The following ADGRV1 variants were observed in gnomAD, a reference collection of about 807,000 sequenced individuals.
The protein encoded by ADGRV1 is G-protein coupled receptor 98.
ADGRV1 carries 359 observed loss-of-function variants against 596.2 expected under a neutral mutation model. The ratio of observed to expected loss-of-function variants is 0.60; its 90% CI spans 0.55 to 0.66. The LOEUF (loss-of-function observed/expected upper bound fraction) is 0.66, where lower values mean the gene tolerates loss of function less well. Ranked by LOEUF, ADGRV1 falls within the 30% of genes least tolerant of loss-of-function variation. The pLI is 0.00. For synonymous variants in ADGRV1, 2,681 were observed against 2,679.2 expected (o/e 1.00, Z -0.02); for missense variants, 7,274 against 7,575.6 (o/e 0.96, Z 1.48).
intron 29 of ADGRV1, among the ~76,000 whole-genome samples, chr5:90,689,296 G>A (rs371256893): frequency 6.8e-6 from 1 of 146,742 alleles, no homozygotes; most frequent in Non-Finnish European, 1.5e-5. Flanking sequence ...TTAGTCCTCA[G>A]TCTTCACATG....
At chr5:90,675,523 T>C (rs1561505196) in intron 24 of ADGRV1, 78 bp downstream of exon 24, 3 of 1,329,518 alleles carry the variant, frequency 2.3e-6, no homozygotes, top group Non-Finnish European at 3.2e-6. Flanking sequence ...GGATATACAC[T>C]GTACCTGGAA....
rs1554092817 is a variant in ADGRV1, at chr5:90,716,606, A to C, written c.9324A>C (p.Ala3108=). 8 of 1,613,918 alleles carry C rather than the reference A, an allele frequency of 5.0e-6. No homozygotes were observed. Among genetic ancestry groups the C allele is most frequent in the Non-Finnish European group, 6.8e-6 (8 of 1,179,822 alleles). ...TATTGTACATTGTTCGGGAACCTGC[A>C]CAAGGATTGTTTGGAACAGTGACAG... ...VAVLYIVREP[A]QGLFGTVTVQ... is the part of the protein sequence containing the mutation. Residue 3108 remains alanine, a synonymous_variant, in exon 43 of 90, where the codon GCA becomes GCC. Coordinates refer to ENST00000405460, the MANE Select transcript of ADGRV1 (RefSeq NM_032119.4).
At chr5:90,978,917 C>G (rs1425048661) in intron 84 of ADGRV1, among the ~76,000 whole-genome samples, 1 of 152,044 alleles carries the variant, frequency 6.6e-6, no homozygotes, top group Admixed American at 6.6e-5. Flanking sequence ...ATATGCAAAG[C>G]ATTTTAATAG....
At chr5:90,715,601 T>G (rs541062793) in intron 42 of ADGRV1, among the ~76,000 whole-genome samples, 114 of 152,290 alleles carry the variant, frequency 7.5e-4, no homozygotes, top group African/African-American at 2.6e-3. Context: ...TTTATAGTTT[T>G]TACATTAGGC....
intron 86 of ADGRV1, among the ~76,000 whole-genome samples, chr5:91,096,763 G>A (rs1324628776): frequency 6.6e-6 from 1 of 152,030 alleles, no homozygotes; most frequent in Non-Finnish European, 1.5e-5. Flanking sequence ...GTACACTTCA[G>A]TGTCACATAA....
At chr5:90,729,824 T>G (rs1752306959) in intron 50 of ADGRV1, 60 bp downstream of exon 50, 1 of 1,540,236 alleles carries the variant, frequency 6.5e-7, no homozygotes, top group Non-Finnish European at 8.9e-7. Context: ...AGAATGATTT[T>G]AATCTCATTG....
intron 1 of ADGRV1, among the ~76,000 whole-genome samples, chr5:90,569,798 TAAC>T (rs1756286162): frequency 6.6e-6 from 1 of 152,076 alleles, no homozygotes; most frequent in Non-Finnish European, 1.5e-5. Context: ...CTCAGATTAA[TAAC>T]AACTTAATTT....
chr5:90,943,318 A>G (rs4916698), intron 83 of ADGRV1, among the ~76,000 whole-genome samples: 16,350 of 151,812 alleles, frequency 0.11, 914 homozygotes, highest in East Asian at 0.17. Context: ...TCATCTTACA[A>G]TCAGAAGACT....
intron 1 of ADGRV1, among the ~76,000 whole-genome samples, chr5:90,603,532 C>T (rs1244936858): frequency 3.3e-5 from 5 of 152,116 alleles, no homozygotes; most frequent in Non-Finnish European, 5.9e-5. Flanking sequence ...TCCCCTGGGC[C>T]TCATGACTAC....
chr5:90,949,327 A>C (rs1776867455), intron 83 of ADGRV1, among the ~76,000 whole-genome samples: 2 of 152,152 alleles, frequency 1.3e-5, no homozygotes, highest in South Asian at 4.1e-4. Flanking sequence ...ACTATAATTT[A>C]AGGTGAGTGC....
intron 1 of ADGRV1, among the ~76,000 whole-genome samples, chr5:90,584,321 A>T (rs1220222810): frequency 6.6e-6 from 1 of 152,156 alleles, no homozygotes; most frequent in Non-Finnish European, 1.5e-5. Flanking sequence ...AGAATGTTTA[A>T]ATTTACCTTG....
chr5:90,645,527 C>A (rs1258623414), intron 15 of ADGRV1, among the ~76,000 whole-genome samples: 1 of 152,130 alleles, frequency 6.6e-6, no homozygotes, highest in Non-Finnish European at 1.5e-5. Flanking sequence ...ATGACCCATG[C>A]AGTTAAAACT....
Position 90,749,661 on chromosome 5 carries a change from C to G in ADGRV1, c.10975-890C>G, listed in dbSNP as rs1379504053. Among the ~76,000 whole-genome samples the G allele has an allele frequency of 2.0e-5, 3 of 152,182 alleles. No individual in the cohort carries two copies. In the East Asian group the frequency reaches 5.8e-4, roughly 29 times the overall value. ...GGGAAGATTTTCAAAAATCTTTACA[C>G]TCCATATTCTTGCTTTACTGCATAT... On this transcript the variant is annotated intron_variant, in intron 52 of 89. Transcript: ENST00000405460.
chr5:90,902,212 T>G (rs1259591149), intron 83 of ADGRV1, among the ~76,000 whole-genome samples: 2 of 152,168 alleles, frequency 1.3e-5, no homozygotes, highest in African/African-American at 4.8e-5. Context: ...TTTCTACCTT[T>G]AAGAAATCAC....
At chr5:91,079,859 G>C (rs1789184593) in intron 86 of ADGRV1, among the ~76,000 whole-genome samples, 1 of 152,164 alleles carries the variant, frequency 6.6e-6, no homozygotes, top group Admixed American at 6.5e-5. Flanking sequence ...AGAGGGCATA[G>C]AGCATGGATA....
chr5:90,798,019 C>G (rs1328838661), intron 70 of ADGRV1, among the ~76,000 whole-genome samples: 1 of 151,972 alleles, frequency 6.6e-6, no homozygotes, highest in Non-Finnish European at 1.5e-5. Context: ...ATTAAAAGAA[C>G]TAGAGTAGCA....
intron 83 of ADGRV1, among the ~76,000 whole-genome samples, chr5:90,922,405 G>T (rs78071094): frequency 0.017 from 2,554 of 152,124 alleles, 80 homozygotes; most frequent in African/African-American, 0.058. Context: ...TACTTACAAC[G>T]TGGCCTTAGG....
intron 1 of ADGRV1, among the ~76,000 whole-genome samples, chr5:90,571,066 T>C (rs1239225501): frequency 6.6e-6 from 1 of 152,170 alleles, no homozygotes; most frequent in African/African-American, 2.4e-5. Context: ...TAGGGTTTGT[T>C]GTTGTCCCTG....
intron 52 of ADGRV1, among the ~76,000 whole-genome samples, chr5:90,747,597 C>T (rs1754768776): frequency 6.6e-6 from 1 of 152,000 alleles, no homozygotes; most frequent in Non-Finnish European, 1.5e-5. Context: ...TAAAATGTTG[C>T]CAACCAGGGA....
Sources: allele counts gnomAD v4.1 joint callset (sites outside exome capture counted in the v4.1 genomes callset), GRCh38; gene constraint gnomAD v4.1.1; transcripts MANE v1.5; gene names NCBI Gene and HGNC (gene_info 2026-07-23, HGNC 2026-07-21).